The following GPC5 variants were observed in gnomAD, a reference collection of about 807,000 sequenced individuals.
GPC5 encodes the protein glypican 5.
In GPC5, 47 loss-of-function variants were observed where a neutral mutation model predicts 53.9. That is an observed-to-expected ratio of 0.87 (90% CI 0.69 to 1.11). The LOEUF is 1.11. Among genes scored for constraint, GPC5 ranks in the 50% most tolerant of loss-of-function variants. The pLI, the probability that GPC5 is intolerant of heterozygous loss-of-function variation, is 0.00. For missense variants in GPC5, 748 were observed against 713.1 expected, an observed-to-expected ratio of 1.05 and a Z score of -0.56; for synonymous variants, 286 against 263.3, an observed-to-expected ratio of 1.09 and a Z score of -0.84.
At chr13:91,987,915 T>A (rs1315971393) in intron 6 of GPC5, among the ~76,000 whole-genome samples, 2 of 145,912 alleles carry the variant, frequency 1.4e-5, no homozygotes, top group African/African-American at 5.0e-5. Flanking sequence ...TCATACGATG[T>A]AGTATATATA....
chr13:92,127,227 T>C (rs1399351528), intron 6 of GPC5, among the ~76,000 whole-genome samples: 2 of 151,436 alleles, frequency 1.3e-5, no homozygotes, highest in Non-Finnish European at 2.9e-5. Flanking sequence ...AGGAAGCTAG[T>C]TTGAACCAAA....
chr13:92,731,519 A>G (rs1888803560), intron 7 of GPC5, among the ~76,000 whole-genome samples: 1 of 151,478 alleles, frequency 6.6e-6, no homozygotes, highest in Non-Finnish European at 1.5e-5. Flanking sequence ...AGAATCGGTG[A>G]AGTAATAGAA....
At chr13:92,162,163 A>G (rs2041994805) in intron 7 of GPC5, among the ~76,000 whole-genome samples, 1 of 151,820 alleles carries the variant, frequency 6.6e-6, no homozygotes, top group African/African-American at 2.4e-5. Flanking sequence ...TCACATAAGA[A>G]CATTGTACTC....
At chr13:92,394,271 G>C (rs1019497839) in intron 7 of GPC5, among the ~76,000 whole-genome samples, 6 of 152,006 alleles carry the variant, frequency 3.9e-5, no homozygotes, top group African/African-American at 1.5e-4. Context: ...TACATATTTT[G>C]TGTGTGTGTA....
At chr13:92,711,367 A>G (rs1888134823) in intron 7 of GPC5, among the ~76,000 whole-genome samples, 1 of 152,170 alleles carries the variant, frequency 6.6e-6, no homozygotes, top group Admixed American at 6.5e-5. Flanking sequence ...TGGTTGGTAC[A>G]CTAAAGTGTT....
intron 7 of GPC5, among the ~76,000 whole-genome samples, chr13:92,570,024 C>T (rs1882976451): frequency 6.6e-6 from 1 of 152,132 alleles, no homozygotes; most frequent in African/African-American, 2.4e-5. Flanking sequence ...ACTGAGCTGA[C>T]ACTCGATCCT....
chr13:91,427,936 C>T (rs924675852), intron 1 of GPC5, among the ~76,000 whole-genome samples: 1 of 152,140 alleles, frequency 6.6e-6, no homozygotes, highest in Admixed American at 6.5e-5. Flanking sequence ...CACAGAGTCT[C>T]TCTTGCCTGA....
chr13:91,538,268 G>A (rs1277028286), intron 2 of GPC5, among the ~76,000 whole-genome samples: 1 of 152,152 alleles, frequency 6.6e-6, no homozygotes, highest in Non-Finnish European at 1.5e-5. Flanking sequence ...GGAAGTCTAA[G>A]TATGACTTCC....
chr13:92,294,593 T>C (rs886537925), intron 7 of GPC5, among the ~76,000 whole-genome samples: 1 of 152,106 alleles, frequency 6.6e-6, no homozygotes, highest in Non-Finnish European at 1.5e-5. Context: ...TCTCTCTTTT[T>C]CTTTCTTGGT....
intron 7 of GPC5, among the ~76,000 whole-genome samples, chr13:92,505,498 C>T (rs554922739): frequency 6.6e-6 from 1 of 152,034 alleles, no homozygotes; most frequent in Non-Finnish European, 1.5e-5. Context: ...CTGGGATTCT[C>T]ATACATTGCA....
chr13:91,841,511 GT>G (rs1029631205), intron 5 of GPC5, among the ~76,000 whole-genome samples: 2 of 151,890 alleles, frequency 1.3e-5, no homozygotes, highest in Non-Finnish European at 2.9e-5. Flanking sequence ...GCTAAATGCT[GT>G]TTATGTCTTC....
intron 2 of GPC5, among the ~76,000 whole-genome samples, chr13:91,569,498 T>A (rs532910443): frequency 6.6e-6 from 1 of 152,250 alleles, no homozygotes; most frequent in Admixed American, 6.5e-5. Context: ...ATATATAACA[T>A]TTTTGTTCTC....
chr13:91,530,772 C>A (rs1040077074), intron 2 of GPC5, among the ~76,000 whole-genome samples: 1 of 152,104 alleles, frequency 6.6e-6, no homozygotes, highest in African/African-American at 2.4e-5. Context: ...GATTGCTTTT[C>A]TTAAGTAAAA....
chr13:92,309,227 G>T (rs770641577), intron 7 of GPC5, among the ~76,000 whole-genome samples: 3 of 152,106 alleles, frequency 2.0e-5, no homozygotes, highest in Middle Eastern at 3.4e-3. Context: ...GTGGTATACC[G>T]CAATGATTGA....
chr13:92,031,696 AATATATTATATATATTACAT>A (rs1222784704), intron 6 of GPC5, among the ~76,000 whole-genome samples: 2 of 95,852 alleles, frequency 2.1e-5, no homozygotes, highest in Non-Finnish European at 3.9e-5. Flanking sequence ...TAGTATATAT[AATATATTATATATATTACAT>A]ATATGTAATA....
In GPC5 at chr13:92,385,345, T is replaced by C. The variant is rs867053094; in HGVS notation, c.1561+240356T>C. On this transcript the variant is annotated intron_variant, in intron 7 of 7. Coordinates refer to ENST00000377067, the MANE Select transcript of GPC5 (RefSeq NM_004466.6). ...ACATATATACATATATACATATATA[T>C]ACATATATACATATATACATATATA... is the stretch of plus-strand genomic sequence containing the variant. Among the ~76,000 whole-genome samples the C allele has an allele frequency of 5.1e-3, 439 of 86,888 alleles. 3 individuals carry two copies. The highest frequency in any genetic ancestry group is 0.016 in the African/African-American group (389 of 23,578). The allele number at this position is 86,888 out of a possible 152,430, so 57.0% of individuals were successfully genotyped here.
intron 7 of GPC5, among the ~76,000 whole-genome samples, chr13:92,471,502 C>T (rs7997156): frequency 0.58 from 87,816 of 151,946 alleles, 26,346 homozygotes; most frequent in African/African-American, 0.71. Context: ...GGCTAGAACC[C>T]TGGAGTCCTT....
chr13:91,550,015 AG>A (rs2030531828), intron 2 of GPC5, among the ~76,000 whole-genome samples: 1 of 152,170 alleles, frequency 6.6e-6, no homozygotes, highest in Non-Finnish European at 1.5e-5. Context: ...GTTGTTCCTC[AG>A]TGGGTGAAAT....
chr13:92,393,285 A>G (rs528155116), intron 7 of GPC5, among the ~76,000 whole-genome samples: 122 of 152,310 alleles, frequency 8.0e-4, no homozygotes, highest in African/African-American at 2.8e-3. Context: ...TTCTTTAAAA[A>G]AAAACTAATA....
Sources: allele counts gnomAD v4.1 joint callset (sites outside exome capture counted in the v4.1 genomes callset), GRCh38; gene constraint gnomAD v4.1.1; transcripts MANE v1.5; gene names NCBI Gene and HGNC (gene_info 2026-07-23, HGNC 2026-07-21).